Variants in PRKDC observed in about 807,000 individuals in gnomAD.
PRKDC encodes the protein protein kinase, DNA-activated, catalytic subunit.
In PRKDC, 82 loss-of-function variants were observed where a neutral mutation model predicts 486.9. That is an observed-to-expected ratio of 0.17 (90% CI 0.14 to 0.20). PRKDC has a LOEUF of 0.20. Ranked by LOEUF, PRKDC falls within the 10% of genes least tolerant of loss-of-function variation. The pLI, the probability that PRKDC is intolerant of heterozygous loss-of-function variation, is 1.00. For synonymous variants in PRKDC, 1,895 were observed against 1,837.0 expected, an observed-to-expected ratio of 1.03 and a Z score of -0.81; for missense variants, 4,504 against 5,038.2, an observed-to-expected ratio of 0.89 and a Z score of 3.21.
intron 85 of PRKDC, 89 bp downstream of exon 85, chr8:47,776,755 G>C (rs2086614900): frequency 6.7e-7 from 1 of 1,486,934 alleles, no homozygotes; most frequent in Non-Finnish European, 9.2e-7. Flanking sequence ...AGAGTGTCAA[G>C]AGCTCAGCAC....
At chr8:47,938,893 C>G (rs1454888236) in intron 11 of PRKDC, among the ~76,000 whole-genome samples, 2 of 152,156 alleles carry the variant, frequency 1.3e-5, no homozygotes, top group African/African-American at 4.8e-5. Flanking sequence ...ATATCTCTTT[C>G]TGTCATATAA....
rs376607541 is a variant in PRKDC at position 47,884,027 on chromosome 8, G to A, written c.4776+1917C>T. On this transcript the variant is annotated intron_variant, in intron 36 of 85. Coordinates refer to ENST00000314191, the MANE Select transcript of PRKDC (RefSeq NM_006904.7). ...CAGGATATTCTGGTGCCCTGCCAAGGGCAGATGCTGAACTGAAAGTATTCA... is the reference window on the plus strand; with the variant it reads ...CAGGATATTCTGGTGCCCTGCCAAGAGCAGATGCTGAACTGAAAGTATTCA... Among the ~76,000 whole-genome samples, 10 of 152,344 alleles carry A rather than the reference G, an allele frequency of 6.6e-5. No individual in the cohort carries two copies. The South Asian group carries it at 1.4e-3, about 22-fold the overall frequency.
Position 47,881,998 on chromosome 8 carries a change from A to G in PRKDC, c.4876T>C (p.Trp1626Arg). ...LKLATTILQHWKKCDSWWAKD... is the reference protein window; with the variant it reads ...LKLATTILQHRKKCDSWWAKD... ...GCCCACCATGAATCACACTTCTTCC[A>G]GTGTTGCAGAATTGTAGTCGCAAGT... Residue 1626 changes from tryptophan (W) to arginine (R), a missense_variant, in exon 37 of 86, where the codon TGG (tryptophan) becomes CGG (arginine). This residue lies in a region of PRKDC where 1,969 missense variants were observed against 2,068.9 expected (regional missense o/e 0.95). Coordinates refer to ENST00000314191, the MANE Select transcript of PRKDC (RefSeq NM_006904.7). 6.2e-7 allele frequency: 1 copy of G among 1,614,040 alleles called. No homozygotes were observed. The highest frequency in any genetic ancestry group is 8.5e-7 in the Non-Finnish European group (1 of 1,179,890).
In PRKDC at chr8:47,831,918, C is replaced by A. The variant is rs748936147; in HGVS notation, c.8161G>T (p.Gly2721Cys). ...EVDNKVKGAA[G>C]RTDLLRLRRR... Reference sequence around the variant, plus strand: ...CGCAGTCGTAGTAGGTCCGTCCGGCCGGCCGCACCTGGAGAGGGAAAGCAG... The same window carrying A: ...CGCAGTCGTAGTAGGTCCGTCCGGCAGGCCGCACCTGGAGAGGGAAAGCAG... Residue 2721 changes from glycine (G) to cysteine (C), a missense_variant, in exon 60 of 86, where the codon GGC becomes TGC. This residue lies in a region of PRKDC where 1,592 missense variants were observed against 1,724.6 expected (regional missense o/e 0.92). Transcript: ENST00000314191. 1.1e-5 allele frequency: 17 copies of A among 1,612,042 alleles called. No individual in the cohort carries two copies. The highest frequency in any genetic ancestry group is 1.4e-5 in the Non-Finnish European group (16 of 1,178,480).
At position 47,799,371 on chromosome 8, in the gene PRKDC, T is replaced by C. The variant is rs1189926063; in HGVS notation, c.10136A>G (p.Gln3379Arg). ...CTCAGAGAGGTGCTGGAATGCTCTC[T>C]GGTACAGACCCGCGATCACCTGGAA... The part of the protein sequence containing the change: ...DSEKVIAGLY[Q>R]RAFQHLSEAV... The change falls in exon 72 of 86, where the codon CAG becomes CGG. Residue 3379 changes from glutamine to arginine, a missense_variant. Gln to Arg is a conservative substitution (Grantham distance 43, BLOSUM62 1). Coordinates refer to ENST00000314191, the MANE Select transcript of PRKDC (RefSeq NM_006904.7). 6.3e-7 allele frequency: 1 copy of C among 1,583,258 alleles called. No individual in the cohort carries two copies. Among genetic ancestry groups the C allele is most frequent in the East Asian group, 2.2e-5 (1 of 44,524 alleles).
intron 59 of PRKDC, among the ~76,000 whole-genome samples, chr8:47,833,372 C>T (rs972499588): frequency 6.6e-6 from 1 of 152,162 alleles, no homozygotes; most frequent in East Asian, 1.9e-4. Context: ...AGGGTTCTGT[C>T]ATGGGCCCTT....
At chr8:47,901,172 G>T (rs1204338064) in intron 27 of PRKDC, among the ~76,000 whole-genome samples, 1 of 149,930 alleles carries the variant, frequency 6.7e-6, no homozygotes, top group East Asian at 2.0e-4. Flanking sequence ...GGCGGGGTGG[G>T]GGGGCTCTGT....
intron 25 of PRKDC, among the ~76,000 whole-genome samples, chr8:47,911,320 G>C (rs1410078130): frequency 1.3e-5 from 2 of 152,238 alleles, no homozygotes; most frequent in Non-Finnish European, 1.5e-5. Flanking sequence ...AAGCACAAGG[G>C]AGTGTCAGTG....
chr8:47,890,572 A>AT, intron 31 of PRKDC, 92 bp from the exon 32 acceptor site: 1 of 936,706 alleles, frequency 1.1e-6, no homozygotes, highest in Non-Finnish European at 1.5e-6. Flanking sequence ...TAGGCATGGT[A>AT]TACGTTCAGC....
chr8:47,829,290 T>C (rs2087809811), intron 61 of PRKDC, among the ~76,000 whole-genome samples: 1 of 152,238 alleles, frequency 6.6e-6, no homozygotes, highest in Admixed American at 6.5e-5. Flanking sequence ...AATATAATGA[T>C]AATCCATTTT....
At chr8:47,845,381 A>G (rs2088242274) in intron 54 of PRKDC, among the ~76,000 whole-genome samples, 1 of 152,240 alleles carries the variant, frequency 6.6e-6, no homozygotes, top group Non-Finnish European at 1.5e-5. Flanking sequence ...GAGATAGACC[A>G]CAAGCTAGAT....
Position 47,960,136 on chromosome 8 carries a change from T to G in PRKDC, c.-10A>C, listed in dbSNP as rs1225417412. ...CTCCGGAGCCCGCCATGCCGCCGAG[T>G]CCCGCTCCCGCGCGTGCGCCCGCTC... On this transcript the variant is annotated 5_prime_UTR_variant, in exon 1 of 86. Transcript: ENST00000314191. 6.8e-7 allele frequency: 1 copy of G among 1,470,386 alleles called. No individual in the cohort carries two copies. The allele number at this position is 1,470,386 out of a possible 1,614,324, so 91.1% of individuals were successfully genotyped here.
chr8:47,877,173 A>G (rs529536078), intron 40 of PRKDC, among the ~76,000 whole-genome samples: 1 of 152,382 alleles, frequency 6.6e-6, no homozygotes, highest in East Asian at 1.9e-4. Flanking sequence ...CTCCAAAAAC[A>G]AAATAAATAA....
Position 47,881,469 on chromosome 8 carries a change from A to G in PRKDC, c.5014T>C (p.Phe1672Leu). Reference sequence around the variant, plus strand: ...GCAAGTAGACTAATATATGTTGTAAAGACTTCAGGGAATGAACCATGACTT... The same window carrying G: ...GCAAGTAGACTAATATATGTTGTAAGGACTTCAGGGAATGAACCATGACTT... ...NTSHGSFPEVFTTYISLLADT... is the reference protein window; with the variant it reads ...NTSHGSFPEVLTTYISLLADT... The change falls in exon 38 of 86, where the codon TTT becomes CTT. Residue 1672 changes from phenylalanine (F) to leucine (L), a missense_variant. Phe to Leu is a conservative substitution (Grantham distance 22, BLOSUM62 0). This residue lies in a region of PRKDC where 1,969 missense variants were observed against 2,068.9 expected (regional missense o/e 0.95). Coordinates refer to ENST00000314191, the MANE Select transcript of PRKDC (RefSeq NM_006904.7). 6.3e-7 allele frequency: 1 copy of G among 1,580,930 alleles called. No individual in the cohort carries two copies. The highest frequency in any genetic ancestry group is 8.7e-7 in the Non-Finnish European group (1 of 1,153,210).
In PRKDC at chr8:47,800,892, A is replaced by T. The variant is rs1265043716; in HGVS notation, c.10017T>A (p.Asn3339Lys). The T allele has an allele frequency of 6.2e-7, 1 of 1,613,790 alleles. No individual in the cohort carries two copies. The highest frequency in any genetic ancestry group is 8.5e-7 in the Non-Finnish European group (1 of 1,179,860). Reference protein sequence around the residue: ...LLGTTYRIIANALSSEPACLA... With the variant: ...LLGTTYRIIAKALSSEPACLA... ...GGCAGGCTGGCTCACTGCTGAGAGC[A>T]TTCGCTATGATCCTGTAAGTTGTAC... The change falls in exon 71 of 86, where the codon AAT becomes AAA. Residue 3339 changes from asparagine (N) to lysine (K), a missense_variant. Asn to Lys is a moderately conservative substitution (Grantham distance 94). Transcript: ENST00000314191.
chr8:47,849,126 C>A (rs1482132864), intron 54 of PRKDC, 28 bp downstream of exon 54: 2 of 1,608,536 alleles, frequency 1.2e-6, no homozygotes, highest in Non-Finnish European at 1.7e-6. Flanking sequence ...GCCAGTGGGA[C>A]CCAAGAGCAG....
In PRKDC at chr8:47,795,806, A is replaced by C. The variant is rs2086974173; in HGVS notation, c.10459-1305T>G. On this transcript the variant is annotated intron_variant, in intron 73 of 85. Transcript: ENST00000314191. The stretch of plus-strand genomic sequence containing the variant: ...CCGCGCCTGGTCCCCTGTACACGTA[A>C]CTCTTTGTGCTATATACCTGTAGGA... Among the ~76,000 whole-genome samples the C allele has an allele frequency of 2.7e-5, 4 of 149,716 alleles. No individual in the cohort carries two copies. The South Asian group carries it at 8.5e-4, about 32-fold the overall frequency.
At chr8:47,924,959 A>T (rs2090132159) in intron 21 of PRKDC, among the ~76,000 whole-genome samples, 1 of 152,180 alleles carries the variant, frequency 6.6e-6, no homozygotes, top group Non-Finnish European at 1.5e-5. Flanking sequence ...ATGTAACCAA[A>T]CTACTACCTC....
intron 39 of PRKDC, among the ~76,000 whole-genome samples, chr8:47,878,587 C>G (rs756466208): frequency 6.6e-6 from 1 of 152,076 alleles, no homozygotes; most frequent in African/African-American, 2.4e-5. Context: ...TATCCCAGGC[C>G]GCTCCCCCGA....
Sources: gnomAD v4.1 joint callset for allele counts (sites outside exome capture counted in the v4.1 genomes callset) on GRCh38, gnomAD v4.1.1 for gene constraint, gnomAD v4.1.1 regional missense constraint, MANE v1.5 for transcripts, NCBI Gene and HGNC (gene_info 2026-07-23, HGNC 2026-07-21) for gene names.